The following VPS8 variants were observed in gnomAD, a reference collection of about 807,000 sequenced individuals.
The protein encoded by VPS8 is vacuolar protein sorting-associated protein 8 homolog.
In VPS8, 129 loss-of-function variants were observed where a neutral mutation model predicts 216.4. The ratio of observed to expected loss-of-function variants is 0.60; its 90% confidence interval spans 0.52 to 0.69. VPS8 has a LOEUF of 0.69. VPS8 is among the 30% of genes least tolerant of loss of function. The probability of loss-of-function intolerance (pLI) is 0.00; values close to 1 mark genes in which losing one functional copy is unlikely to be tolerated. For missense variants in VPS8, 1,531 were observed against 1,683.5 expected (o/e 0.91, Z 1.59); for synonymous variants, 571 against 565.4 (o/e 1.01, Z -0.14).
At chr3:184,952,172 A>T (rs1312224592) in intron 36 of VPS8, among the ~76,000 whole-genome samples, 1 of 152,238 alleles carries the variant, frequency 6.6e-6, no homozygotes, top group Non-Finnish European at 1.5e-5. Flanking sequence ...ACACTGGCTC[A>T]TCTGAATGTG....
intron 46 of VPS8, among the ~76,000 whole-genome samples, chr3:185,031,063 GTTTTTTTTTTTTTTTTTT>G (rs765510619): frequency 1.6e-5 from 1 of 64,346 alleles, no homozygotes; most frequent in Admixed American, 1.8e-4. Context: ...ACAGGTTGGC[GTTTTTTTTTTTTTTTTTT>G]TTTTTTTTTT....
At chr3:184,949,430 CTT>C (rs1478653398) in intron 36 of VPS8, among the ~76,000 whole-genome samples, 1 of 152,162 alleles carries the variant, frequency 6.6e-6, no homozygotes, top group Non-Finnish European at 1.5e-5. Flanking sequence ...GTGTCAGAGT[CTT>C]TGCTGTCAGG....
chr3:184,822,341 A>G (rs966457937), intron 1 of VPS8, among the ~76,000 whole-genome samples: 7 of 152,088 alleles, frequency 4.6e-5, no homozygotes, highest in South Asian at 2.1e-4. Flanking sequence ...TGGTGGGATG[A>G]TGTCTTCAGG....
intron 40 of VPS8, among the ~76,000 whole-genome samples, chr3:184,981,395 A>T (rs1422640924): frequency 6.7e-6 from 1 of 149,382 alleles, no homozygotes; most frequent in Non-Finnish European, 1.5e-5. Flanking sequence ...GTGGGGTGGC[A>T]GCGTCTTCAT....
At chr3:184,965,210 A>G (rs1328963441) in intron 38 of VPS8, among the ~76,000 whole-genome samples, 1 of 152,130 alleles carries the variant, frequency 6.6e-6, no homozygotes, top group Non-Finnish European at 1.5e-5. Flanking sequence ...TATCATATTT[A>G]TATTTTAAAA....
chr3:184,879,578 C>T (rs1254603903), intron 21 of VPS8, among the ~76,000 whole-genome samples: 2 of 152,128 alleles, frequency 1.3e-5, no homozygotes, highest in Admixed American at 1.3e-4. Context: ...CTTGTTCTTT[C>T]CCATTCTGCT....
chr3:184,928,111 A>G (rs1740009434), intron 31 of VPS8, among the ~76,000 whole-genome samples: 1 of 152,236 alleles, frequency 6.6e-6, no homozygotes. Flanking sequence ...ACCGTAAGAC[A>G]TAAAAGTGAG....
At chr3:184,970,341 C>A (rs1457428025) in intron 39 of VPS8, among the ~76,000 whole-genome samples, 1 of 152,162 alleles carries the variant, frequency 6.6e-6, no homozygotes, top group Non-Finnish European at 1.5e-5. Flanking sequence ...GCACAAAGAA[C>A]GTTAGTCTCC....
chr3:185,043,430 G>A (rs1712143211), intron 46 of VPS8, among the ~76,000 whole-genome samples: 1 of 152,138 alleles, frequency 6.6e-6, no homozygotes, highest in Admixed American at 6.5e-5. Context: ...GCCTTGTAAG[G>A]TAGGCTGTGC....
intron 37 of VPS8, among the ~76,000 whole-genome samples, chr3:184,961,024 TAACCAACTCA>T (rs1275720251): frequency 6.6e-6 from 1 of 152,222 alleles, no homozygotes; most frequent in East Asian, 1.9e-4. Flanking sequence ...ATAGGAATTC[TAACCAACTCA>T]ATAAGCATAG....
intron 37 of VPS8, among the ~76,000 whole-genome samples, chr3:184,958,939 A>G (rs1168081084): frequency 1.3e-5 from 2 of 152,216 alleles, no homozygotes; most frequent in African/African-American, 2.4e-5. Flanking sequence ...GATTATTTAT[A>G]TAAGTACTGC....
chr3:184,910,655 G>C (rs1185579407), intron 25 of VPS8, among the ~76,000 whole-genome samples: 2 of 152,144 alleles, frequency 1.3e-5, no homozygotes, highest in Non-Finnish European at 2.9e-5. Flanking sequence ...TTTACCTTTT[G>C]GGATTCCCCA....
Position 185,048,561 on chromosome 3 carries a change from T to A in VPS8, c.4137+2T>A, listed in dbSNP as rs1312112819. On this transcript the variant is annotated splice_donor_variant, in intron 47 of 47. Transcript: ENST00000625842. LOFTEE classifies it high-confidence loss of function. ...CGTCTCTACCGAGGAAGCTCCAGGG[T>A]AATGTTTGCGTGGTTGTTTATATTT... 24 of 1,613,748 alleles carry A rather than the reference T, an allele frequency of 1.5e-5. No individual in the cohort carries two copies. The highest frequency in any genetic ancestry group is 2.0e-5 in the Non-Finnish European group (24 of 1,179,838).
chr3:184,973,451 T>C (rs868759447), intron 40 of VPS8, among the ~76,000 whole-genome samples: 3 of 152,198 alleles, frequency 2.0e-5, no homozygotes. Flanking sequence ...TACATATTCG[T>C]GGGGTTAATG....
chr3:184,864,796 T>C lies in VPS8; in HGVS notation c.1395+1729T>C, dbSNP rs1727028850. On this transcript the variant is annotated intron_variant, in intron 16 of 47. Transcript: ENST00000625842. ...GATCCAGAAACCAACAAGGTAAAAT[T>C]CACAATGTCTCCCATCCAATTAGAG... Among the ~76,000 whole-genome samples, 4 of 151,976 alleles carry C rather than the reference T, an allele frequency of 2.6e-5. No individual in the cohort carries two copies. The South Asian group carries it at 8.3e-4, about 32-fold the overall frequency.
intron 36 of VPS8, among the ~76,000 whole-genome samples, chr3:184,951,310 A>AC (rs1235680437): frequency 6.6e-6 from 1 of 151,980 alleles, no homozygotes; most frequent in African/African-American, 2.4e-5. Flanking sequence ...ACATGGTGAG[A>AC]CCCCATCTCT....
intron 45 of VPS8, among the ~76,000 whole-genome samples, chr3:185,000,213 G>A (rs1195450307): frequency 6.6e-6 from 1 of 152,184 alleles, no homozygotes; most frequent in Non-Finnish European, 1.5e-5. Flanking sequence ...GTACCTATAT[G>A]ATAAGAGTGC....
intron 3 of VPS8, among the ~76,000 whole-genome samples, chr3:184,831,913 G>C (rs936677568): frequency 2.0e-5 from 3 of 152,046 alleles, no homozygotes; most frequent in Admixed American, 2.0e-4. Flanking sequence ...TTTAAAACAT[G>C]GTTCCCATCA....
intron 23 of VPS8, among the ~76,000 whole-genome samples, chr3:184,895,884 G>T (rs139514805): frequency 2.1e-3 from 312 of 151,102 alleles, no homozygotes; most frequent in African/African-American, 7.2e-3. Flanking sequence ...TTCGCCTGCC[G>T]TGGCCTTCCA....
Sources: gnomAD v4.1 joint callset for allele counts (sites outside exome capture counted in the v4.1 genomes callset) on GRCh38, gnomAD v4.1.1 for gene constraint, MANE v1.5 for transcripts, NCBI Gene and HGNC (gene_info 2026-07-23, HGNC 2026-07-21) for gene names.